CD163L1: variants seen among roughly 807,000 people sequenced by gnomAD.
CD163L1 encodes scavenger receptor cysteine-rich type 1 protein M160.
Under a neutral mutation model 165.4 loss-of-function variants are expected in CD163L1, and 124 were observed. The ratio of observed to expected loss-of-function variants is 0.75; its 90% CI spans 0.65 to 0.87. The LOEUF is 0.87. Ranked by LOEUF, CD163L1 falls within the 40% of genes least tolerant of loss-of-function variation. The pLI, the probability that CD163L1 is intolerant of heterozygous loss-of-function variation, is 0.00. For missense variants in CD163L1, 1,525 were observed against 1,799.9 expected (o/e 0.85, Z 2.76); for synonymous variants, 585 against 662.2 (o/e 0.88, Z 1.79).
chr12:7,361,780 A>G (rs1415624420), intron 18 of CD163L1, among the ~76,000 whole-genome samples: 1 of 151,962 alleles, frequency 6.6e-6, no homozygotes, highest in Non-Finnish European at 1.5e-5. Flanking sequence ...GAGTCCCAAG[A>G]TTTTTTTTAA....
chr12:7,352,343 C>T (rs956471330), downstream of CD163L1, among the ~76,000 whole-genome samples: 2 of 152,080 alleles, frequency 1.3e-5, no homozygotes, highest in African/African-American at 4.8e-5. Flanking sequence ...TTGCTCTCAT[C>T]TCCCCACATC....
At chr12:7,358,323 A>T (rs1946822220) in intron 18 of CD163L1, among the ~76,000 whole-genome samples, 1 of 152,168 alleles carries the variant, frequency 6.6e-6, no homozygotes, top group African/African-American at 2.4e-5. Flanking sequence ...AAGTTATCAC[A>T]GTGAAGACTG....
At chr12:7,434,805 A>G (rs186466171) in intron 2 of CD163L1, among the ~76,000 whole-genome samples, 208 of 152,282 alleles carry the variant, frequency 1.4e-3, no homozygotes, top group African/African-American at 4.9e-3. Context: ...TGGCTTAGTG[A>G]GAATACACTT....
At chr12:7,399,298 CTCCTT>C (rs1349615481) in intron 6 of CD163L1, among the ~76,000 whole-genome samples, 2 of 105,850 alleles carry the variant, frequency 1.9e-5, no homozygotes, top group South Asian at 2.8e-4. Flanking sequence ...TTTTCTTTCT[CTCCTT>C]TCTTTCTTTT....
chr12:7,336,309 C>T, the CD163L1 span, among the ~76,000 whole-genome samples: 1 of 150,212 alleles, frequency 6.7e-6, no homozygotes, highest in African/African-American at 2.5e-5. Context: ...ACATATACAC[C>T]ATGGAATACT....
intron 18 of CD163L1, among the ~76,000 whole-genome samples, chr12:7,365,934 T>C (rs946689680): frequency 1.3e-5 from 2 of 152,104 alleles, no homozygotes; most frequent in African/African-American, 2.4e-5. Context: ...GAAAGAAAAT[T>C]ATATATCAAA....
chr12:7,384,278 C>A (rs1348836237), intron 8 of CD163L1, among the ~76,000 whole-genome samples: 1 of 151,838 alleles, frequency 6.6e-6, no homozygotes, highest in East Asian at 1.9e-4. Flanking sequence ...ATTAAAAAAC[C>A]TTTGCAACAC....
intron 18 of CD163L1, among the ~76,000 whole-genome samples, chr12:7,359,448 G>C (rs7135686): frequency 6.6e-6 from 1 of 152,120 alleles, no homozygotes; most frequent in South Asian, 2.1e-4. Flanking sequence ...GCAAAAAGAG[G>C]GAGTATAATA....
At chr12:7,436,834 A>T (rs895218480) in intron 2 of CD163L1, among the ~76,000 whole-genome samples, 1 of 152,106 alleles carries the variant, frequency 6.6e-6, no homozygotes, top group Non-Finnish European at 1.5e-5. Flanking sequence ...TATATTTGAA[A>T]AATTACTGAA....
chr12:7,357,054 A>G (rs1946792590), intron 19 of CD163L1, among the ~76,000 whole-genome samples: 1 of 152,168 alleles, frequency 6.6e-6, no homozygotes, highest in African/African-American at 2.4e-5. Context: ...TGTAACAAAA[A>G]TGAACAGAAA....
chr12:7,397,363 C>T (rs748988387), intron 7 of CD163L1, among the ~76,000 whole-genome samples: 3 of 152,266 alleles, frequency 2.0e-5, no homozygotes, highest in African/African-American at 7.2e-5. Flanking sequence ...AAACTCGTGT[C>T]TCTTATAGCC....
the CD163L1 span, chr12:7,324,322 C>G: frequency 6.2e-7 from 1 of 1,613,884 alleles, no homozygotes; most frequent in South Asian, 1.1e-5. Flanking sequence ...TTTTATGTCA[C>G]TGGAGACAGA....
At chr12:7,345,890 AAGAG>A (rs750891156), downstream of CD163L1, among the ~76,000 whole-genome samples, 156 of 152,268 alleles carry the variant, frequency 1.0e-3, no homozygotes, top group African/African-American at 3.5e-3. Flanking sequence ...GCAGGAGTGA[AAGAG>A]AGAGCAGGGA....
chr12:7,406,410 A>T lies in CD163L1; in HGVS notation c.1087+122T>A, dbSNP rs141755254. 1.3e-3 allele frequency: 1,090 copies of T among 867,652 alleles called. 11 individuals carry two copies. The African/African-American group carries it at 0.016, about 13-fold the overall frequency. The allele number at this position is 867,652 out of a possible 1,614,324, so 53.7% of individuals were successfully genotyped here. On this transcript the variant is annotated intron_variant, in intron 5 of 19. Coordinates refer to ENST00000313599, the MANE Select transcript of CD163L1 (RefSeq NM_174941.6). ...AAAGTGTCAATTCTTACACATCACA[A>T]TTGGTTGTAACTTCTTCACAATTCT...
chr12:7,439,680 A>C (rs1466666122), intron 2 of CD163L1: 1 of 1,612,892 alleles, frequency 6.2e-7, no homozygotes, highest in Non-Finnish European at 8.5e-7. Flanking sequence ...TAAATTCAAG[A>C]AGCACTTCTT....
At chr12:7,385,022 G>A (rs770443704) in intron 8 of CD163L1, among the ~76,000 whole-genome samples, 1 of 151,966 alleles carries the variant, frequency 6.6e-6, no homozygotes, top group East Asian at 1.9e-4. Context: ...GAATGTAAAT[G>A]AATTAAATTG....
chr12:7,385,775 A>T (rs1947502713), intron 8 of CD163L1, among the ~76,000 whole-genome samples: 1 of 152,106 alleles, frequency 6.6e-6, no homozygotes, highest in South Asian at 2.1e-4. Flanking sequence ...TAATTAAAAA[A>T]TTAAGAAGGA....
intron 6 of CD163L1, among the ~76,000 whole-genome samples, chr12:7,402,668 C>T (rs1432059951): frequency 6.6e-6 from 1 of 151,286 alleles, no homozygotes; most frequent in Non-Finnish European, 1.5e-5. Context: ...TGAGGTCTCA[C>T]TCTGTTGCCC....
chr12:7,392,864 T>C (rs1338981812), intron 8 of CD163L1, among the ~76,000 whole-genome samples: 1 of 151,914 alleles, frequency 6.6e-6, no homozygotes, highest in African/African-American at 2.4e-5. Context: ...TCCCAAGACA[T>C]AAACCAGGAA....
Sources: allele counts gnomAD v4.1 joint callset (sites outside exome capture counted in the v4.1 genomes callset), GRCh38; gene constraint gnomAD v4.1.1; transcripts MANE v1.5; gene names NCBI Gene and HGNC (gene_info 2026-07-23, HGNC 2026-07-21).